PPM1H: variants seen among roughly 807,000 people sequenced by gnomAD.
The protein encoded by PPM1H is protein phosphatase 1H.
PPM1H carries 27 observed loss-of-function variants against 54.9 expected under a neutral mutation model. The observed-to-expected ratio is 0.49, with a 90% confidence interval of 0.36 to 0.68. The LOEUF is 0.68. Among genes scored for constraint, PPM1H ranks in the 30% least tolerant of loss-of-function variants. The pLI is 0.00. For missense variants in PPM1H, 596 were observed against 667.8 expected (o/e 0.89, Z 1.19); for synonymous variants, 305 against 270.8 (o/e 1.13, Z -1.24).
intron 4 of PPM1H, among the ~76,000 whole-genome samples, chr12:62,739,294 G>C (rs943277322): frequency 6.6e-6 from 1 of 152,152 alleles, no homozygotes; most frequent in Non-Finnish European, 1.5e-5. Context: ...TCACAAATCA[G>C]TGTGAATTAA....
At chr12:62,861,536 T>C (rs1565812642) in intron 1 of PPM1H, among the ~76,000 whole-genome samples, 1 of 152,242 alleles carries the variant, frequency 6.6e-6, no homozygotes, top group Non-Finnish European at 1.5e-5. Flanking sequence ...GGTTGCTTTC[T>C]CCTCGTCAGA....
intron 5 of PPM1H, among the ~76,000 whole-genome samples, chr12:62,724,342 A>C (rs1174378576): frequency 2.6e-5 from 4 of 152,142 alleles, no homozygotes; most frequent in Non-Finnish European, 5.9e-5. Context: ...AAGTGTGGAG[A>C]TTTCAGGCGC....
intron 6 of PPM1H, among the ~76,000 whole-genome samples, chr12:62,719,550 C>T (rs1306586860): frequency 2.0e-5 from 3 of 152,170 alleles, no homozygotes; most frequent in Non-Finnish European, 4.4e-5. Flanking sequence ...TCAACATTAG[C>T]CACTGCTCCA....
chr12:62,867,313 A>G (rs937954739), intron 1 of PPM1H, among the ~76,000 whole-genome samples: 23 of 152,124 alleles, frequency 1.5e-4, no homozygotes, highest in Non-Finnish European at 2.9e-5. Flanking sequence ...CTTACTGCAC[A>G]TTAGAAGTGC....
At chr12:62,750,290 C>T (rs1270943486) in intron 4 of PPM1H, among the ~76,000 whole-genome samples, 3 of 152,232 alleles carry the variant, frequency 2.0e-5, no homozygotes, top group African/African-American at 4.8e-5. Flanking sequence ...ATCTCTCCTT[C>T]GTTCTAAGCC....
rs71465170 is a variant in PPM1H at position 62,894,482 on chromosome 12, A to C, written c.245+40010T>G. 6.8e-4 allele frequency among the ~76,000 whole-genome samples: 103 copies of C among 152,338 alleles called. 1 individual carries two copies. Among genetic ancestry groups the C allele is most frequent in the Non-Finnish European group, 1.3e-3 (86 of 68,028 alleles). ...AGATGGCTGCAGTGAAAAGGACAAA[A>C]GCCCCAAAACAAATCCCAGGAAACA... is the stretch of plus-strand genomic sequence containing the variant. On this transcript the variant is annotated intron_variant, in intron 1 of 9. Transcript: ENST00000228705.
At chr12:62,673,767 G>A (rs1310268731) in intron 8 of PPM1H, among the ~76,000 whole-genome samples, 4 of 103,550 alleles carry the variant, frequency 3.9e-5, no homozygotes, top group African/African-American at 9.6e-5. Context: ...GCTGTGTCGC[G>A]CAGGCTGGAG....
chr12:62,800,664 C>G (rs2076762433), intron 3 of PPM1H, among the ~76,000 whole-genome samples: 1 of 152,214 alleles, frequency 6.6e-6, no homozygotes, highest in Non-Finnish European at 1.5e-5. Context: ...AAGGCCATGA[C>G]TGCCCACTTG....
chr12:62,900,054 G>C (rs1222995363), intron 1 of PPM1H, among the ~76,000 whole-genome samples: 1 of 152,208 alleles, frequency 6.6e-6, no homozygotes, highest in Non-Finnish European at 1.5e-5. Context: ...CAGACTGTCA[G>C]CCTCCAATAC....
intron 4 of PPM1H, among the ~76,000 whole-genome samples, chr12:62,785,989 C>T (rs574275221): frequency 6.6e-6 from 1 of 152,138 alleles, no homozygotes; most frequent in African/African-American, 2.4e-5. Context: ...GTGAAAGGCA[C>T]TTCCCTGGGA....
intron 4 of PPM1H, among the ~76,000 whole-genome samples, chr12:62,765,003 GAC>G (rs926852544): frequency 1.2e-4 from 18 of 152,334 alleles, no homozygotes; most frequent in African/African-American, 4.3e-4. Flanking sequence ...CAGTCAGAAG[GAC>G]CTTGCAGGTC....
Position 62,934,505 on chromosome 12 carries a change from TG to T in PPM1H, c.231del (p.Thr78LeufsTer26). 6.5e-7 allele frequency: 1 copy of T among 1,546,338 alleles called. No individual in the cohort carries two copies. The highest frequency in any genetic ancestry group is 8.7e-7 in the Non-Finnish European group (1 of 1,146,260). On this transcript the variant is annotated frameshift_variant, in exon 1 of 10. Coordinates refer to ENST00000228705, the MANE Select transcript of PPM1H (RefSeq NM_020700.2). LOFTEE classifies it high-confidence loss of function. The surrounding 1 kb of genome is among the most constrained non-coding windows in gnomAD (Gnocchi z 4.2). Reference sequence around the variant, plus strand: ...CGCTGCACTCACTCTGCGTAGCCAGTGGCCCAGGGCAGCCGCCGAGTCTCCT... The same window carrying T: ...CGCTGCACTCACTCTGCGTAGCCAGTGCCCAGGGCAGCCGCCGAGTCTCCT... ...ILKETRRLPW[A>X]TGYAEVINAG... is the part of the protein sequence containing the mutation.
chr12:62,771,069 CACA>C (rs2076576463), intron 4 of PPM1H, among the ~76,000 whole-genome samples: 1 of 151,184 alleles, frequency 6.6e-6, no homozygotes, highest in Non-Finnish European at 1.5e-5. Flanking sequence ...CACACACACA[CACA>C]CACACACACA....
chr12:62,737,391 CA>C lies in PPM1H; in HGVS notation c.954+110del, dbSNP rs1244657453. ...GTGTGGGGGAGTTAATACCATATGTCATTTGAATGCGGTGAGCCTGCTCCCA... is the reference window on the plus strand; with the variant it reads ...GTGTGGGGGAGTTAATACCATATGTCTTTGAATGCGGTGAGCCTGCTCCCA... On this transcript the variant is annotated intron_variant, in intron 5 of 9. Coordinates refer to ENST00000228705, the MANE Select transcript of PPM1H (RefSeq NM_020700.2). 3 of 643,528 alleles carry C rather than the reference CA, an allele frequency of 4.7e-6. No homozygotes were observed. The African/African-American group carries it at 5.6e-5, about 12-fold the overall frequency. The allele number at this position is 643,528 out of a possible 1,614,324, so 39.9% of individuals were successfully genotyped here.
chr12:62,857,969 C>T (rs1352842206), intron 1 of PPM1H, among the ~76,000 whole-genome samples: 1 of 151,988 alleles, frequency 6.6e-6, no homozygotes, highest in African/African-American at 2.4e-5. Flanking sequence ...ATCTATTTGT[C>T]ATGAGGCTTC....
intron 6 of PPM1H, among the ~76,000 whole-genome samples, chr12:62,707,769 T>A (rs142346214): frequency 6.6e-5 from 10 of 152,334 alleles, no homozygotes; most frequent in Non-Finnish European, 1.3e-4. Flanking sequence ...GGGTTGGCAC[T>A]GTTTTTTTCT....
At chr12:62,930,468 A>G (rs1872097499) in intron 1 of PPM1H, among the ~76,000 whole-genome samples, 1 of 152,222 alleles carries the variant, frequency 6.6e-6, no homozygotes, top group Admixed American at 6.5e-5. Context: ...CATACACAAT[A>G]TTGTTGCTCA....
chr12:62,788,129 T>C, intron 4 of PPM1H, 97 bp downstream of exon 4: 1 of 843,842 alleles, frequency 1.2e-6, no homozygotes. Flanking sequence ...GTAGAAGGCC[T>C]GTCTTTAATT....
chr12:62,863,085 A>G (rs939337907), intron 1 of PPM1H, among the ~76,000 whole-genome samples: 1 of 152,112 alleles, frequency 6.6e-6, no homozygotes, highest in Admixed American at 6.5e-5. Flanking sequence ...CAGTGGCGTG[A>G]TCTCAATTCA....
Sources: gnomAD v4.1 joint callset for allele counts (sites outside exome capture counted in the v4.1 genomes callset) on GRCh38, gnomAD v4.1.1 for gene constraint, Gnocchi (gnomAD v3.1) non-coding constraint, MANE v1.5 for transcripts, NCBI Gene and HGNC (gene_info 2026-07-23, HGNC 2026-07-21) for gene names.